The following NTN1 variants were observed in gnomAD, a reference collection of about 807,000 sequenced individuals.
The protein encoded by NTN1 is netrin 1.
Under a neutral mutation model 54.2 loss-of-function variants are expected in NTN1, and 11 were observed. The observed-to-expected ratio is 0.20, with a 90% CI of 0.13 to 0.34. The LOEUF is 0.34. Among genes scored for constraint, NTN1 ranks in the 10% least tolerant of loss-of-function variants. The pLI, the probability that NTN1 is intolerant of heterozygous loss-of-function variation, is 1.00. For synonymous variants in NTN1, 371 were observed against 382.0 expected, an observed-to-expected ratio of 0.97 and a Z score of 0.33; for missense variants, 740 against 893.1, an observed-to-expected ratio of 0.83 and a Z score of 2.18.
intron 5 of NTN1, among the ~76,000 whole-genome samples, chr17:9,204,244 G>C (rs56829102): frequency 0.25 from 33,821 of 134,122 alleles, 4,053 homozygotes; most frequent in Non-Finnish European, 0.29. Flanking sequence ...CTCTTCCTCT[G>C]TTTCTCTCTC....
At position 9,135,354 on chromosome 17, in the gene NTN1, C is replaced by T. The variant is rs942068363; in HGVS notation, c.1019-27459C>T. Among the ~76,000 whole-genome samples the T allele has an allele frequency of 2.6e-5, 4 of 152,240 alleles. No individual in the cohort carries two copies. The highest frequency in any genetic ancestry group is 9.6e-5 in the African/African-American group (4 of 41,458). On this transcript the variant is annotated intron_variant, in intron 2 of 6. Transcript: ENST00000173229. This position sits in a 1 kb window ranked among gnomAD's most constrained non-coding sequence, Gnocchi z 4.4. Reference sequence around the variant, plus strand: ...CTGTGTCTGGCTCTTGCTTCCCCTGCAGCCATCCTGCCAACCAGACCACAC... The same window carrying T: ...CTGTGTCTGGCTCTTGCTTCCCCTGTAGCCATCCTGCCAACCAGACCACAC...
chr17:9,163,647 G>A (rs536711513), intron 3 of NTN1, among the ~76,000 whole-genome samples: 21 of 152,110 alleles, frequency 1.4e-4, no homozygotes, highest in African/African-American at 1.9e-4. Flanking sequence ...GACTATTTTC[G>A]TCCACTGAAG....
chr17:9,134,656 C>T (rs2092275641), intron 2 of NTN1, among the ~76,000 whole-genome samples: 1 of 152,190 alleles, frequency 6.6e-6, no homozygotes. Flanking sequence ...CTGGGCGGCC[C>T]TGAGCTTTCA....
In NTN1 at chr17:9,135,163, A is replaced by G. The variant is rs556610490; in HGVS notation, c.1019-27650A>G. ...CGGCCCATCCTCCCTTCTCTACCCCATTCCTTTGTCTTTGCTCACCTTGCC... is the reference window on the plus strand; with the variant it reads ...CGGCCCATCCTCCCTTCTCTACCCCGTTCCTTTGTCTTTGCTCACCTTGCC... On this transcript the variant is annotated intron_variant, in intron 2 of 6. Coordinates refer to ENST00000173229, the MANE Select transcript of NTN1 (RefSeq NM_004822.3). The surrounding 1 kb of genome is among the most constrained non-coding windows in gnomAD (Gnocchi z 4.4). Among the ~76,000 whole-genome samples, 14 of 151,724 alleles carry G rather than the reference A, an allele frequency of 9.2e-5. No homozygotes were observed. In the East Asian group the frequency reaches 2.5e-3, roughly 27 times the overall value.
At chr17:9,047,839 C>G (rs918043759) in intron 2 of NTN1, among the ~76,000 whole-genome samples, 1 of 151,964 alleles carries the variant, frequency 6.6e-6, no homozygotes, top group African/African-American at 2.4e-5. Context: ...GGATTACAGG[C>G]GACTGCCACC....
rs555639155 is a variant in NTN1, at chr17:9,144,171, C to T, written c.1019-18642C>T. ...TCGGCCTCCTAAAGTTCTAGGATTA[C>T]AGACATGAGCCACTGCGCCCGGCCG... On this transcript the variant is annotated intron_variant, in intron 2 of 6. Coordinates refer to ENST00000173229, the MANE Select transcript of NTN1 (RefSeq NM_004822.3). Among the ~76,000 whole-genome samples, 42 of 152,224 alleles carry T rather than the reference C, an allele frequency of 2.8e-4. No homozygotes were observed. The South Asian group carries it at 8.5e-3, about 31-fold the overall frequency.
In NTN1 at chr17:9,165,868, T is replaced by G. The variant is rs1292805810; in HGVS notation, c.1207+2867T>G. 6.6e-6 allele frequency among the ~76,000 whole-genome samples: 1 copy of G among 152,156 alleles called. No individual in the cohort carries two copies. The highest frequency in any genetic ancestry group is 1.5e-5 in the Non-Finnish European group (1 of 68,022). ...AAAAGCATTGCCCAGAGATCTCTGC[T>G]TCATGATTGGCAAGAAAATATCTAC... On this transcript the variant is annotated intron_variant, in intron 3 of 6. Coordinates refer to ENST00000173229, the MANE Select transcript of NTN1 (RefSeq NM_004822.3). This position sits in a 1 kb window ranked among gnomAD's most constrained non-coding sequence, Gnocchi z 4.5.
intron 2 of NTN1, among the ~76,000 whole-genome samples, chr17:9,123,400 T>A (rs2092237003): frequency 6.6e-6 from 1 of 152,238 alleles, no homozygotes; most frequent in Non-Finnish European, 1.5e-5. Context: ...TTTCCGTCCA[T>A]CTTTTGTCCT....
intron 2 of NTN1, among the ~76,000 whole-genome samples, chr17:9,130,703 G>A (rs1439507725): frequency 6.6e-6 from 1 of 151,988 alleles, no homozygotes; most frequent in Non-Finnish European, 1.5e-5. Flanking sequence ...TCACGTGCTG[G>A]TGTTCAGCCC....
At chr17:9,170,159 A>G (rs1343996693) in intron 3 of NTN1, among the ~76,000 whole-genome samples, 1 of 152,160 alleles carries the variant, frequency 6.6e-6, no homozygotes, top group Non-Finnish European at 1.5e-5. Flanking sequence ...CCACCTCTGG[A>G]GGCAAGACAT....
At chr17:9,166,694 C>T (rs1265691625) in intron 3 of NTN1, among the ~76,000 whole-genome samples, 1 of 152,170 alleles carries the variant, frequency 6.6e-6, no homozygotes, top group South Asian at 2.1e-4. Context: ...CATAGGCCTT[C>T]AGGTGAGAGC....
intron 6 of NTN1, among the ~76,000 whole-genome samples, chr17:9,230,670 G>A (rs1214779414): frequency 7.4e-5 from 9 of 121,014 alleles, no homozygotes; most frequent in South Asian, 2.7e-4. Flanking sequence ...TCCAGGCCCA[G>A]GAGGCTCTGG....
In NTN1 at chr17:9,026,396, G is replaced by T. The variant is rs189168279; in HGVS notation, c.1018+3005G>T. Among the ~76,000 whole-genome samples the T allele has an allele frequency of 1.8e-3, 264 of 150,282 alleles. 3 individuals are homozygous for T. The highest frequency in any genetic ancestry group is 3.1e-3 in the Non-Finnish European group (208 of 67,378). ...ATGCAGTTTTGGATTTCTTCCGGGG[G>T]GGGGGAACAAACAACCCTCAAAACA... On this transcript the variant is annotated intron_variant, in intron 2 of 6. Coordinates refer to ENST00000173229, the MANE Select transcript of NTN1 (RefSeq NM_004822.3).
intron 3 of NTN1, among the ~76,000 whole-genome samples, chr17:9,178,756 T>C (rs1209199945): frequency 6.6e-6 from 1 of 152,228 alleles, no homozygotes; most frequent in African/African-American, 2.4e-5. Context: ...GACATTTGCC[T>C]TCTTCCTTCG....
chr17:9,160,255 C>A (rs1328912062), intron 2 of NTN1, among the ~76,000 whole-genome samples: 1 of 152,092 alleles, frequency 6.6e-6, no homozygotes, highest in Non-Finnish European at 1.5e-5. Context: ...AGGCGCAAAC[C>A]ACCATGCCTG....
rs1220797312 is a variant in NTN1 at position 9,211,511 on chromosome 17, G to A, written c.1412-9657G>A. On this transcript the variant is annotated intron_variant, in intron 5 of 6. Coordinates refer to ENST00000173229, the MANE Select transcript of NTN1 (RefSeq NM_004822.3). This position sits in a 1 kb window ranked among gnomAD's most constrained non-coding sequence, Gnocchi z 4.4. ...CTCCATTAGCCTTGGGGATCACCCA[G>A]TGCCTCCCAGAGCTGTTCATGTGGG... Among the ~76,000 whole-genome samples the A allele has an allele frequency of 6.6e-6, 1 of 152,212 alleles. No homozygotes were observed. Among genetic ancestry groups the A allele is most frequent in the Admixed American group, 6.5e-5 (1 of 15,286 alleles).
intron 2 of NTN1, among the ~76,000 whole-genome samples, chr17:9,126,591 G>T (rs1172213497): frequency 2.0e-5 from 3 of 152,204 alleles, no homozygotes; most frequent in Non-Finnish European, 4.4e-5. Context: ...TGCTGCATTT[G>T]GTCTCCTCAG....
chr17:9,149,109 G>A (rs975950002), intron 2 of NTN1, among the ~76,000 whole-genome samples: 1 of 152,056 alleles, frequency 6.6e-6, no homozygotes, highest in Admixed American at 6.5e-5. Flanking sequence ...GCTTAGTGAC[G>A]GGAGCCATTA....
At chr17:9,091,129 G>A (rs2092109112) in intron 2 of NTN1, among the ~76,000 whole-genome samples, 1 of 152,190 alleles carries the variant, frequency 6.6e-6, no homozygotes, top group African/African-American at 2.4e-5. Context: ...CAGAGAATGA[G>A]CTGTTTCCCT....
Sources: allele counts gnomAD v4.1 joint callset (sites outside exome capture counted in the v4.1 genomes callset), GRCh38; gene constraint gnomAD v4.1.1; non-coding constraint Gnocchi (gnomAD v3.1); transcripts MANE v1.5; gene names NCBI Gene and HGNC (gene_info 2026-07-23, HGNC 2026-07-21).